Variants in RGS7 observed in about 807,000 individuals in gnomAD.
The protein encoded by RGS7 is regulator of G protein signaling 7.
A neutral mutation model predicts 81.1 loss-of-function variants in RGS7; 27 were observed. The observed-to-expected ratio is 0.33, with a 90% CI of 0.25 to 0.46. The LOEUF is 0.46. Ranked by LOEUF, RGS7 falls within the 20% of genes least tolerant of loss-of-function variation. RGS7 has a pLI of 1.00. For missense variants in RGS7, 396 were observed against 607.4 expected (o/e 0.65, Z 3.66); for synonymous variants, 208 against 207.7 (o/e 1.00, Z -0.01).
chr1:240,876,484 G>C (rs956787954), intron 6 of RGS7, among the ~76,000 whole-genome samples: 1 of 152,118 alleles, frequency 6.6e-6, no homozygotes, highest in African/African-American at 2.4e-5. Flanking sequence ...TAACACTTTG[G>C]CTGGGTTTCC....
At chr1:241,350,432 C>A (rs1209490991) in intron 2 of RGS7, among the ~76,000 whole-genome samples, 1 of 152,146 alleles carries the variant, frequency 6.6e-6, no homozygotes, top group Admixed American at 6.5e-5. Context: ...CAGTGCCTGC[C>A]TCCCATCTGA....
At chr1:241,035,701 C>G (rs1339402709) in intron 3 of RGS7, among the ~76,000 whole-genome samples, 1 of 152,170 alleles carries the variant, frequency 6.6e-6, no homozygotes, top group Non-Finnish European at 1.5e-5. Context: ...CCACTATCAC[C>G]ATTATCTCCA....
At position 241,357,204 on chromosome 1, in the gene RGS7, T is replaced by A. The variant is rs1458363713; in HGVS notation, c.-356A>T. On this transcript the variant is annotated 5_prime_UTR_variant, in exon 1 of 19. Coordinates refer to ENST00000440928, the MANE Select transcript of RGS7 (RefSeq NM_001364886.1). The stretch of plus-strand genomic sequence containing the variant: ...GGGACCAGCCGAGCGCGCGCGGGAG[T>A]CGAGACGCCCGGCCCGTGCGCGCGA... 6.7e-6 allele frequency: 1 copy of A among 150,126 alleles called. No individual in the cohort carries two copies. Among genetic ancestry groups the A allele is most frequent in the Non-Finnish European group, 1.5e-5 (1 of 67,578 alleles). 9.3% of individuals were successfully genotyped at this position (150,126 alleles called of 1,614,324 possible).
At chr1:241,048,322 T>C (rs543857246) in intron 3 of RGS7, among the ~76,000 whole-genome samples, 1 of 152,282 alleles carries the variant, frequency 6.6e-6, no homozygotes, top group Non-Finnish European at 1.5e-5. Context: ...CCAAATCTTA[T>C]ACCCTCCTAA....
intron 3 of RGS7, among the ~76,000 whole-genome samples, chr1:241,096,315 T>G (rs1281722122): frequency 1.3e-5 from 2 of 152,092 alleles, no homozygotes; most frequent in African/African-American, 4.8e-5. Flanking sequence ...GGAGGGATAC[T>G]AACTAGAAAA....
intron 3 of RGS7, among the ~76,000 whole-genome samples, chr1:241,068,236 G>GTATATATA (rs1490762248): frequency 1.2e-4 from 1 of 8,674 alleles, no homozygotes; most frequent in African/African-American, 2.2e-4. Flanking sequence ...GTGTGTGTGT[G>GTATATATA]TGTATATATA....
At chr1:240,796,099 T>C (rs183994119) in intron 18 of RGS7, among the ~76,000 whole-genome samples, 3 of 152,196 alleles carry the variant, frequency 2.0e-5, no homozygotes, top group Non-Finnish European at 2.9e-5. Flanking sequence ...AAATGATTTT[T>C]TAAAATTCAC....
rs757849427 is a variant in RGS7 at position 240,992,848 on chromosome 1, CAA to C, written c.176-9721_176-9720del. 1.7e-3 allele frequency among the ~76,000 whole-genome samples: 188 copies of C among 111,634 alleles called. 1 individual carries two copies. The highest frequency in any genetic ancestry group is 6.0e-3 in the African/African-American group (180 of 30,004). 73.2% of individuals were successfully genotyped at this position (111,634 alleles called of 152,430 possible). A position where few individuals can be genotyped will look rare whatever the true frequency, so the allele number is the denominator to read the frequency against. On this transcript the variant is annotated intron_variant, in intron 3 of 18. Coordinates refer to ENST00000440928, the MANE Select transcript of RGS7 (RefSeq NM_001364886.1). ...TGAAACCTTGTCTCTACTAAAAATA[CAA>C]AAAAAAAAAAAAATATTAGCCGGGC...
At chr1:241,131,257 T>C (rs1247200223) in intron 2 of RGS7, among the ~76,000 whole-genome samples, 1 of 152,088 alleles carries the variant, frequency 6.6e-6, no homozygotes, top group Non-Finnish European at 1.5e-5. Context: ...AATTTAGAAA[T>C]GTAAGGGAAT....
chr1:241,152,692 C>G (rs1170258321), intron 2 of RGS7, among the ~76,000 whole-genome samples: 1 of 152,176 alleles, frequency 6.6e-6, no homozygotes, highest in Non-Finnish European at 1.5e-5. Flanking sequence ...GGCCAATGAG[C>G]TGTGAGTGGA....
intron 9 of RGS7, among the ~76,000 whole-genome samples, chr1:240,842,119 G>A (rs903768236): frequency 6.6e-6 from 1 of 150,706 alleles, no homozygotes; most frequent in African/African-American, 2.4e-5. Context: ...ATTATTAGCA[G>A]TATAATTTGA....
rs78690283 is a variant in RGS7 at position 241,076,457 on chromosome 1, C to T, written c.175+22209G>A. Among the ~76,000 whole-genome samples the T allele has an allele frequency of 4.1e-3, 626 of 152,312 alleles. 7 individuals carry two copies. Among genetic ancestry groups the T allele is most frequent in the Admixed American group, 0.019 (288 of 15,302 alleles). ...ATGATAAATACTTGTGGGCTCCTCA[C>T]TCGGAGCAATCTCTGAACAGACGAT... On this transcript the variant is annotated intron_variant, in intron 3 of 18. Transcript: ENST00000440928.
chr1:240,903,371 T>C (rs1670317008), intron 6 of RGS7, among the ~76,000 whole-genome samples: 1 of 152,182 alleles, frequency 6.6e-6, no homozygotes. Flanking sequence ...TTAAGTGATA[T>C]TTAAATTTTT....
chr1:241,017,845 G>T (rs916044136), intron 3 of RGS7, among the ~76,000 whole-genome samples: 1 of 151,938 alleles, frequency 6.6e-6, no homozygotes, highest in Non-Finnish European at 1.5e-5. Flanking sequence ...ATTTTATGTT[G>T]TCTATTTTTT....
chr1:240,868,546 G>A lies in RGS7; in HGVS notation c.609+41C>T, dbSNP rs2015306. 8.9e-5 allele frequency: 140 copies of A among 1,580,364 alleles called. No homozygotes were observed. Among genetic ancestry groups the A allele is most frequent in the Non-Finnish European group, 1.2e-4 (134 of 1,149,710 alleles). ...AGGGCACCCCTCACTTCCCACAGAC[G>A]GAGAAGATGGATTCAAGACGAGAGT... is the stretch of plus-strand genomic sequence containing the variant. On this transcript the variant is annotated intron_variant, in intron 9 of 18. Transcript: ENST00000440928. The surrounding 1 kb of genome is among the most constrained non-coding windows in gnomAD (Gnocchi z 5.1).
intron 3 of RGS7, among the ~76,000 whole-genome samples, chr1:241,076,437 A>T (rs372158272): frequency 6.6e-6 from 1 of 152,196 alleles, no homozygotes; most frequent in African/African-American, 2.4e-5. Context: ...TGGCTATGAT[A>T]AATACTTGTG....
chr1:241,070,262 C>T (rs2062354810), intron 3 of RGS7, among the ~76,000 whole-genome samples: 1 of 149,088 alleles, frequency 6.7e-6, no homozygotes, highest in Non-Finnish European at 1.5e-5. Context: ...GCTTGCAGTG[C>T]TATTCCAGAT....
chr1:240,855,508 G>A (rs1660951238), intron 9 of RGS7, among the ~76,000 whole-genome samples: 1 of 151,064 alleles, frequency 6.6e-6, no homozygotes, highest in African/African-American at 2.4e-5. Context: ...ACGGCTCACT[G>A]TGGCCTTGAC....
At chr1:240,813,506 T>A in intron 13 of RGS7, 112 bp downstream of exon 13, 1 of 728,792 alleles carries the variant, frequency 1.4e-6, no homozygotes, top group Admixed American at 2.0e-5. Flanking sequence ...TAGGCCAATG[T>A]AGATAAAGAA....
Sources: gnomAD v4.1 joint callset for allele counts (sites outside exome capture counted in the v4.1 genomes callset) on GRCh38, gnomAD v4.1.1 for gene constraint, Gnocchi (gnomAD v3.1) non-coding constraint, MANE v1.5 for transcripts, NCBI Gene and HGNC (gene_info 2026-07-23, HGNC 2026-07-21) for gene names.